Variants in LRRC7 observed in about 807,000 individuals in gnomAD.
LRRC7 encodes leucine rich repeat containing 7, also known as leucine-rich repeat-containing protein 7.
Under a neutral mutation model 175.7 loss-of-function variants are expected in LRRC7, and 23 were observed. The ratio of observed to expected loss-of-function variants is 0.13; its 90% CI spans 0.09 to 0.19. The LOEUF (loss-of-function observed/expected upper bound fraction) is 0.19. Among genes scored for constraint, LRRC7 ranks in the 10% least tolerant of loss-of-function variants. The pLI is 1.00. For synonymous variants in LRRC7, 685 were observed against 680.9 expected (o/e 1.01, Z -0.09); for missense variants, 1,354 against 1,904.7 (o/e 0.71, Z 5.38).
intron 7 of LRRC7, among the ~76,000 whole-genome samples, chr1:69,842,005 T>A (rs1470454279): frequency 6.6e-6 from 1 of 152,082 alleles, no homozygotes; most frequent in Non-Finnish European, 1.5e-5. Context: ...TTTCTCTCTC[T>A]CTAGATGGTT....
intron 2 of LRRC7, among the ~76,000 whole-genome samples, chr1:69,747,320 G>T (rs1418208325): frequency 1.3e-5 from 2 of 152,148 alleles, no homozygotes; most frequent in Admixed American, 1.3e-4. Context: ...TTCAGGAGAA[G>T]AAACAGGAAA....
chr1:69,941,654 T>TA (rs962966234), intron 8 of LRRC7, among the ~76,000 whole-genome samples: 2 of 151,534 alleles, frequency 1.3e-5, no homozygotes, highest in African/African-American at 2.4e-5. Context: ...TTATTCAGAA[T>TA]AAAAAAAAGA....
intron 23 of LRRC7, among the ~76,000 whole-genome samples, chr1:70,069,473 T>C (rs546723063): frequency 5.3e-4 from 81 of 152,282 alleles, no homozygotes; most frequent in African/African-American, 1.9e-3. Flanking sequence ...CAATTCAAGA[T>C]GAGATTTTGG....
In LRRC7 at chr1:70,135,895, G is replaced by T. The variant is rs565203873; in HGVS notation, c.*14008G>T. Among the ~76,000 whole-genome samples, 59 of 152,238 alleles carry T rather than the reference G, an allele frequency of 3.9e-4. 1 individual carries two copies. In the South Asian group the frequency reaches 0.011, roughly 29 times the overall value. The stretch of plus-strand genomic sequence containing the variant: ...GCAACGGGTATCTTGCACTTGATAG[G>T]TTCTCACAGTCTCATTATGATCAAG... On this transcript the variant is annotated 3_prime_UTR_variant, in exon 27 of 27. Transcript: ENST00000651989.
rs148051288 is a variant in LRRC7, at chr1:69,828,114, C to T, written c.500+2288C>T. Among the ~76,000 whole-genome samples, 339 of 152,034 alleles carry T rather than the reference C, an allele frequency of 2.2e-3. 1 individual carries two copies. Among genetic ancestry groups the T allele is most frequent in the African/African-American group, 7.8e-3 (322 of 41,488 alleles). ...TTTTTCAATAATCAGTACTTCATTCCCCTTTATTCCCAGGTAGTATTCCAT... is the reference window on the plus strand; with the variant it reads ...TTTTTCAATAATCAGTACTTCATTCTCCTTTATTCCCAGGTAGTATTCCAT... On this transcript the variant is annotated intron_variant, in intron 5 of 26. Transcript: ENST00000651989.
intron 3 of LRRC7, among the ~76,000 whole-genome samples, chr1:69,783,849 A>T (rs1674086136): frequency 6.6e-6 from 1 of 152,020 alleles, no homozygotes; most frequent in South Asian, 2.1e-4. Context: ...TCAAAAATAA[A>T]TTTCAGATAG....
intron 9 of LRRC7, among the ~76,000 whole-genome samples, chr1:69,985,736 T>A (rs1653882519): frequency 1.3e-5 from 2 of 152,262 alleles, no homozygotes; most frequent in Admixed American, 6.5e-5. Flanking sequence ...ATACAATGTG[T>A]GGTCTTTTGT....
intron 7 of LRRC7, among the ~76,000 whole-genome samples, chr1:69,882,320 G>A (rs1403153242): frequency 1.9e-4 from 29 of 152,064 alleles, no homozygotes; most frequent in Admixed American, 1.9e-3. Context: ...TCCTTAAAAA[G>A]TTAAAACTAC....
intron 1 of LRRC7, among the ~76,000 whole-genome samples, chr1:69,585,466 A>G (rs1454089015): frequency 6.6e-6 from 1 of 152,178 alleles, no homozygotes; most frequent in African/African-American, 2.4e-5. Flanking sequence ...AGAATGTTCT[A>G]ATCTTTCCAA....
At chr1:69,850,900 A>G (rs1055230417) in intron 7 of LRRC7, among the ~76,000 whole-genome samples, 1 of 152,136 alleles carries the variant, frequency 6.6e-6, no homozygotes, top group African/African-American at 2.4e-5. Context: ...TATATTTAAA[A>G]TTATGAAACT....
At position 69,916,665 on chromosome 1, in the gene LRRC7, C is replaced by A. The variant is rs181531966; in HGVS notation, c.648-14842C>A. On this transcript the variant is annotated intron_variant, in intron 7 of 26. Transcript: ENST00000651989. Reference sequence around the variant, plus strand: ...TGCGTGGTTTCTCTTTGTAAATATTCTAGAATTCCAGCTTCTTACTGGTAA... The same window carrying A: ...TGCGTGGTTTCTCTTTGTAAATATTATAGAATTCCAGCTTCTTACTGGTAA... Among the ~76,000 whole-genome samples the A allele has an allele frequency of 5.1e-4, 78 of 152,162 alleles. 1 individual carries two copies. The highest frequency in any genetic ancestry group is 3.5e-3 in the Admixed American group (54 of 15,254).
At chr1:70,036,065 G>A in intron 18 of LRRC7, 56 bp from the exon 19 acceptor site, 2 of 1,356,968 alleles carry the variant, frequency 1.5e-6, no homozygotes, top group African/African-American at 1.5e-5. Context: ...CTGCCACTTT[G>A]GTTAACCATT....
At chr1:69,866,059 AGC>A (rs1360467396) in intron 7 of LRRC7, among the ~76,000 whole-genome samples, 1 of 152,224 alleles carries the variant, frequency 6.6e-6, no homozygotes, top group East Asian at 1.9e-4. Flanking sequence ...AAAAGAATGA[AGC>A]ACAAGATAAA....
At position 70,038,335 on chromosome 1, in the gene LRRC7, T is replaced by C; in HGVS notation, c.2511T>C (p.Ser837=). Residue 837 remains serine, a synonymous_variant, in exon 21 of 27, where the codon TCT becomes TCC. Coordinates refer to ENST00000651989, the MANE Select transcript of LRRC7 (RefSeq NM_001370785.2). ...ANSNPLLSSK[S]RSTSSHGRRP... is the part of the protein sequence containing the mutation. ...GTAATCCTCTCTTAAGTTCGAAATC[T>C]AGAAGCACATCTTCGCATGGACGCA... 8 of 1,614,138 alleles carry C rather than the reference T, an allele frequency of 5.0e-6. No homozygotes were observed. The highest frequency in any genetic ancestry group is 6.8e-6 in the Non-Finnish European group (8 of 1,180,020).
chr1:69,872,445 G>C (rs1206284512), intron 7 of LRRC7, among the ~76,000 whole-genome samples: 1 of 151,932 alleles, frequency 6.6e-6, no homozygotes, highest in Non-Finnish European at 1.5e-5. Flanking sequence ...GGAGTCAGGT[G>C]CACAAGCTGT....
chr1:70,003,166 C>T (rs939269737), intron 11 of LRRC7, among the ~76,000 whole-genome samples: 3 of 151,996 alleles, frequency 2.0e-5, no homozygotes, highest in Admixed American at 6.6e-5. Context: ...GGTTGGTTGT[C>T]GGAGGGAAGA....
At chr1:69,738,558 T>C (rs1442678745) in intron 2 of LRRC7, among the ~76,000 whole-genome samples, 2 of 152,050 alleles carry the variant, frequency 1.3e-5, no homozygotes, top group Non-Finnish European at 2.9e-5. Context: ...CCTTTGTGTG[T>C]TTTTCTTATC....
chr1:70,123,815 C>T lies in LRRC7; in HGVS notation c.*1928C>T, dbSNP rs899079145. ...TCATTAATCAAGACAGAGGCCTTTA[C>T]TGGCCTCATAAGATCACTTAAAGAA... On this transcript the variant is annotated 3_prime_UTR_variant, in exon 27 of 27. Transcript: ENST00000651989. Among the ~76,000 whole-genome samples the T allele has an allele frequency of 3.9e-5, 6 of 152,142 alleles. No individual in the cohort carries two copies. The highest frequency in any genetic ancestry group is 9.7e-5 in the African/African-American group (4 of 41,430).
chr1:70,013,641 T>C (rs1156390870), intron 13 of LRRC7, among the ~76,000 whole-genome samples: 1 of 151,880 alleles, frequency 6.6e-6, no homozygotes. Flanking sequence ...TATTGATAGA[T>C]GGGTAAAAAG....
Sources: allele counts gnomAD v4.1 joint callset (sites outside exome capture counted in the v4.1 genomes callset), GRCh38; gene constraint gnomAD v4.1.1; transcripts MANE v1.5; gene names NCBI Gene and HGNC (gene_info 2026-07-23, HGNC 2026-07-21).